The following PTPRT variants were observed in gnomAD, a reference collection of about 807,000 sequenced individuals.
PTPRT encodes the protein receptor-type tyrosine-protein phosphatase T.
In PTPRT, 56 loss-of-function variants were observed where a neutral mutation model predicts 176.8. That is an observed-to-expected ratio of 0.32 (90% confidence interval 0.26 to 0.40). PTPRT has a LOEUF of 0.40. Ranked by LOEUF, PTPRT falls within the 10% of genes least tolerant of loss-of-function variation. The pLI is 1.00. For missense variants in PTPRT, 1,540 were observed against 1,908.2 expected (o/e 0.81, Z 3.60); for synonymous variants, 783 against 739.0 (o/e 1.06, Z -0.96).
chr20:42,789,941 T>A (rs1304329756), intron 3 of PTPRT, among the ~76,000 whole-genome samples: 1 of 152,172 alleles, frequency 6.6e-6, no homozygotes, highest in Non-Finnish European at 1.5e-5. Context: ...TTGGAGAATG[T>A]CTAAGAAGCC....
At chr20:43,006,789 C>T (rs1568729994) in intron 1 of PTPRT, among the ~76,000 whole-genome samples, 2 of 152,174 alleles carry the variant, frequency 1.3e-5, no homozygotes, top group Non-Finnish European at 2.9e-5. Context: ...ACCAGAGGCC[C>T]CCAGAAAGAC....
chr20:42,907,971 TG>T (rs1261309583), intron 1 of PTPRT, among the ~76,000 whole-genome samples: 1 of 152,134 alleles, frequency 6.6e-6, no homozygotes, highest in African/African-American at 2.4e-5. Context: ...GAGAAGTTCC[TG>T]GGTACCCCAC....
chr20:42,274,583 G>GTGTT (rs1221111446), intron 13 of PTPRT, among the ~76,000 whole-genome samples: 2 of 146,452 alleles, frequency 1.4e-5, no homozygotes, highest in Non-Finnish European at 3.0e-5. Flanking sequence ...GTGTGTGTGT[G>GTGTT]TGTGTGTGTT....
chr20:42,942,637 T>C (rs1199653404), intron 1 of PTPRT, among the ~76,000 whole-genome samples: 1 of 152,142 alleles, frequency 6.6e-6, no homozygotes, highest in East Asian at 1.9e-4. Context: ...GGGAACATAG[T>C]ATGGGCGTAT....
chr20:42,977,608 T>C (rs911593187), intron 1 of PTPRT, among the ~76,000 whole-genome samples: 3 of 152,170 alleles, frequency 2.0e-5, no homozygotes, highest in African/African-American at 7.2e-5. Context: ...TGTTTACATA[T>C]AATTTAAATA....
intron 18 of PTPRT, among the ~76,000 whole-genome samples, chr20:42,140,982 C>A (rs759577183): frequency 6.6e-6 from 1 of 152,102 alleles, no homozygotes; most frequent in Non-Finnish European, 1.5e-5. Flanking sequence ...TTCCCAGGGC[C>A]CTACAGTTGG....
chr20:42,889,675 C>T (rs1021648307), intron 1 of PTPRT, among the ~76,000 whole-genome samples: 1 of 152,150 alleles, frequency 6.6e-6, no homozygotes, highest in Non-Finnish European at 1.5e-5. Context: ...TCCATGGAGC[C>T]CTTGGGCTCC....
Position 42,677,859 on chromosome 20 carries a change from A to AAG in PTPRT, c.1153+6_1153+7insCT. 1 of 1,601,386 alleles carries AAG rather than the reference A, an allele frequency of 6.2e-7. No individual in the cohort carries two copies. The highest frequency in any genetic ancestry group is 8.5e-7 in the Non-Finnish European group (1 of 1,173,526). On this transcript the variant is annotated splice_region_variant and intron_variant, in intron 7 of 30. Transcript: ENST00000373187. ...ATAATGGAGCCTGGGAAAAAAAAAA[A>AAG]TCTTACCTGCACACTTGGTCCTGGT...
chr20:42,086,906 C>A (rs552375507), intron 27 of PTPRT, among the ~76,000 whole-genome samples: 1 of 150,650 alleles, frequency 6.6e-6, no homozygotes, highest in South Asian at 2.1e-4. Context: ...TCACATGGTG[C>A]TGACAGATCT....
chr20:42,659,786 T>C (rs1353115731), intron 7 of PTPRT, among the ~76,000 whole-genome samples: 1 of 152,188 alleles, frequency 6.6e-6, no homozygotes, highest in African/African-American at 2.4e-5. Flanking sequence ...TTAAATGGAT[T>C]CGCTGCTTAA....
At position 42,446,471 on chromosome 20, in the gene PTPRT, G is replaced by A. The variant is rs146647143; in HGVS notation, c.1560+1749C>T. ...AAGTCTTGAACATCTGGCACACAGCGTCTTTTACATAACAGTATCAAGTAA... is the reference window on the plus strand; with the variant it reads ...AAGTCTTGAACATCTGGCACACAGCATCTTTTACATAACAGTATCAAGTAA... On this transcript the variant is annotated intron_variant, in intron 9 of 30. Transcript: ENST00000373187. Among the ~76,000 whole-genome samples the A allele has an allele frequency of 3.2e-3, 484 of 152,154 alleles. 4 individuals carry two copies. Among genetic ancestry groups the A allele is most frequent in the Non-Finnish European group, 4.4e-3 (301 of 67,994 alleles).
At chr20:42,712,668 C>T (rs1377694873) in intron 6 of PTPRT, among the ~76,000 whole-genome samples, 1 of 152,160 alleles carries the variant, frequency 6.6e-6, no homozygotes, top group East Asian at 1.9e-4. Context: ...ATAATAAAAA[C>T]TGATGTCAAC....
At chr20:43,188,327 C>G (rs1018419903) in intron 1 of PTPRT, among the ~76,000 whole-genome samples, 2 of 152,154 alleles carry the variant, frequency 1.3e-5, no homozygotes, top group Non-Finnish European at 1.5e-5. Flanking sequence ...GTCTTCGTCA[C>G]CCAACTTCCC....
chr20:42,933,964 T>G (rs1272711151), intron 1 of PTPRT, among the ~76,000 whole-genome samples: 1 of 152,246 alleles, frequency 6.6e-6, no homozygotes, highest in African/African-American at 2.4e-5. Flanking sequence ...TTTCAGAGAA[T>G]ATGATTCTAT....
intron 9 of PTPRT, among the ~76,000 whole-genome samples, chr20:42,446,787 C>G (rs919848360): frequency 1.3e-5 from 2 of 152,110 alleles, no homozygotes; most frequent in African/African-American, 4.8e-5. Flanking sequence ...TCTCGGGGTA[C>G]TCCCCAGGAA....
intron 7 of PTPRT, among the ~76,000 whole-genome samples, chr20:42,502,595 T>TA (rs1350543018): frequency 6.6e-6 from 1 of 152,066 alleles, no homozygotes; most frequent in Non-Finnish European, 1.5e-5. Context: ...CCATATTGGG[T>TA]AACTCATTTT....
At chr20:42,312,558 T>G (rs8122334) in intron 12 of PTPRT, among the ~76,000 whole-genome samples, 1 of 151,934 alleles carries the variant, frequency 6.6e-6, no homozygotes, top group Non-Finnish European at 1.5e-5. Flanking sequence ...GCCTTCTGAG[T>G]GCCCAGCTCC....
At chr20:42,328,949 A>G (rs188501499) in intron 11 of PTPRT, among the ~76,000 whole-genome samples, 119 of 152,334 alleles carry the variant, frequency 7.8e-4, no homozygotes, top group Non-Finnish European at 1.6e-3. Context: ...GTTTCAGTGA[A>G]TGAGATGAAG....
At chr20:42,536,613 A>G (rs571828383) in intron 7 of PTPRT, among the ~76,000 whole-genome samples, 1 of 152,326 alleles carries the variant, frequency 6.6e-6, no homozygotes, top group African/African-American at 2.4e-5. Context: ...GAAGACAGTA[A>G]CAGTTTACTC....
Sources: gnomAD v4.1 joint callset for allele counts (sites outside exome capture counted in the v4.1 genomes callset) on GRCh38, gnomAD v4.1.1 for gene constraint, MANE v1.5 for transcripts, NCBI Gene and HGNC (gene_info 2026-07-23, HGNC 2026-07-21) for gene names.